Variants in L3MBTL3 observed in about 807,000 individuals in gnomAD.
L3MBTL3 encodes the protein L3MBTL histone methyl-lysine binding protein 3.
L3MBTL3 carries 27 observed loss-of-function variants against 102.3 expected under a neutral mutation model. The ratio of observed to expected loss-of-function variants is 0.26; its 90% confidence interval spans 0.19 to 0.36. L3MBTL3 has a LOEUF of 0.36. Among genes scored for constraint, L3MBTL3 ranks in the 10% least tolerant of loss-of-function variants. The pLI, the probability that L3MBTL3 is intolerant of heterozygous loss-of-function variation, is 1.00. For missense variants in L3MBTL3, 798 were observed against 955.3 expected (o/e 0.84, Z 2.17); for synonymous variants, 340 against 320.9 (o/e 1.06, Z -0.64).
At chr6:130,043,478 C>T (rs890917577) in intron 3 of L3MBTL3, among the ~76,000 whole-genome samples, 25 of 152,146 alleles carry the variant, frequency 1.6e-4, no homozygotes, top group Non-Finnish European at 3.2e-4. Context: ...AACATGGTTG[C>T]GCAAGCACCG....
intron 17 of L3MBTL3, among the ~76,000 whole-genome samples, chr6:130,093,860 C>T (rs1784200511): frequency 6.6e-6 from 1 of 152,194 alleles, no homozygotes; most frequent in African/African-American, 2.4e-5. Flanking sequence ...CTGGAACTGT[C>T]ATTCTGGATT....
At chr6:130,095,226 G>T (rs956693347) in intron 18 of L3MBTL3, among the ~76,000 whole-genome samples, 57 of 152,302 alleles carry the variant, frequency 3.7e-4, no homozygotes, top group African/African-American at 1.4e-3. Context: ...TGTACAGGTT[G>T]TGAATCTAGG....
intron 15 of L3MBTL3, among the ~76,000 whole-genome samples, chr6:130,084,835 T>A (rs946342541): frequency 1.3e-5 from 2 of 152,128 alleles, no homozygotes; most frequent in Non-Finnish European, 2.9e-5. Context: ...TGGCAACCCT[T>A]TTTTTGTTGT....
intron 1 of L3MBTL3, chr6:130,019,354 G>C (rs1383419902): frequency 3.4e-5 from 5 of 146,666 alleles, no homozygotes; most frequent in African/African-American, 1.2e-4. Flanking sequence ...GGTGCGGCGG[G>C]AGGCGCGAGC....
At chr6:130,037,751 T>A (rs1780150866) in intron 2 of L3MBTL3, among the ~76,000 whole-genome samples, 1 of 152,142 alleles carries the variant, frequency 6.6e-6, no homozygotes, top group Admixed American at 6.5e-5. Context: ...TATCCTTCAC[T>A]TCAAATACTT....
intron 19 of L3MBTL3, among the ~76,000 whole-genome samples, chr6:130,116,897 A>G (rs1785723774): frequency 6.7e-6 from 1 of 149,676 alleles, no homozygotes; most frequent in South Asian, 2.2e-4. Flanking sequence ...ATATAGCATG[A>G]AAATATTTCT....
At chr6:130,064,448 G>T (rs1782110233) in intron 10 of L3MBTL3, among the ~76,000 whole-genome samples, 1 of 152,092 alleles carries the variant, frequency 6.6e-6, no homozygotes, top group South Asian at 2.1e-4. Flanking sequence ...ATGGGAGTGA[G>T]GGCTTGAAGT....
chr6:130,055,549 T>G (rs112843645), intron 8 of L3MBTL3, among the ~76,000 whole-genome samples: 1 of 116,642 alleles, frequency 8.6e-6, no homozygotes, highest in African/African-American at 3.3e-5. Flanking sequence ...CCTCCCTGTC[T>G]CCCTCTCTCC....
In L3MBTL3 at chr6:130,058,182, T is replaced by A. The variant is rs546185281; in HGVS notation, c.759+685T>A. On this transcript the variant is annotated intron_variant, in intron 9 of 22. Transcript: ENST00000361794. ...AAAAAAAAAAAAAAAAAAAATGAGT[T>A]ACTACGATTTACATATTATCACAGC... 5.0e-4 allele frequency among the ~76,000 whole-genome samples: 74 copies of A among 147,026 alleles called. 1 individual carries two copies. Among genetic ancestry groups the A allele is most frequent in the Admixed American group, 5.0e-3 (74 of 14,846 alleles).
intron 22 of L3MBTL3, among the ~76,000 whole-genome samples, chr6:130,138,737 T>C (rs1196072584): frequency 6.6e-6 from 1 of 151,678 alleles, no homozygotes; most frequent in Non-Finnish European, 1.5e-5. Context: ...TGTTTTACTT[T>C]TTGTACAAGG....
intron 19 of L3MBTL3, among the ~76,000 whole-genome samples, chr6:130,115,102 A>C (rs1039471871): frequency 1.3e-5 from 2 of 152,098 alleles, no homozygotes; most frequent in Admixed American, 6.6e-5. Context: ...AAACAGAAAA[A>C]CTACATTTTT....
chr6:130,132,418 C>G (rs34597026), intron 20 of L3MBTL3, among the ~76,000 whole-genome samples: 13,218 of 152,190 alleles, frequency 0.087, 660 homozygotes, highest in Non-Finnish European at 0.1. Context: ...GGTGTGTTCA[C>G]TTTGTGAAAA....
At chr6:130,033,055 C>T (rs1779827869) in intron 2 of L3MBTL3, among the ~76,000 whole-genome samples, 1 of 152,024 alleles carries the variant, frequency 6.6e-6, no homozygotes, top group Admixed American at 6.6e-5. Flanking sequence ...ATTGTCAAAC[C>T]TTGGAAAGTG....
At position 130,135,704 on chromosome 6, in the gene L3MBTL3, A is replaced by G. The variant is rs527763518; in HGVS notation, c.2199+1799A>G. On this transcript the variant is annotated intron_variant, in intron 22 of 22. Coordinates refer to ENST00000361794, the MANE Select transcript of L3MBTL3 (RefSeq NM_032438.4). ...CTAGATCCTTTTCTGGAGGAGTGAG[A>G]TAGTTAATATTCTCTGTCGATATGA... Among the ~76,000 whole-genome samples the G allele has an allele frequency of 2.0e-5, 3 of 152,266 alleles. No individual in the cohort carries two copies. The South Asian group carries it at 6.2e-4, about 32-fold the overall frequency.
At chr6:130,070,783 C>CTTTTTTTTT (rs774204472) in intron 12 of L3MBTL3, 193 bp from the exon 13 acceptor site, 1 of 110,310 alleles carries the variant, frequency 9.1e-6, no homozygotes, top group Non-Finnish European at 1.5e-5. Flanking sequence ...ACAGTAGGAC[C>CTTTTTTTTT]TTTTTTTTTT....
intron 9 of L3MBTL3, 90 bp downstream of exon 9, chr6:130,057,587 C>G: frequency 1.9e-6 from 2 of 1,076,948 alleles, no homozygotes; most frequent in Non-Finnish European, 2.7e-6. Context: ...TGAAATTTGA[C>G]TTGGGATCAT....
chr6:130,022,954 C>T (rs997693423), intron 2 of L3MBTL3, among the ~76,000 whole-genome samples: 1 of 152,156 alleles, frequency 6.6e-6, no homozygotes, highest in Non-Finnish European at 1.5e-5. Context: ...ACTCCAGGTC[C>T]TTCTTTTAGG....
intron 19 of L3MBTL3, among the ~76,000 whole-genome samples, chr6:130,110,023 T>C (rs994221855): frequency 6.6e-6 from 1 of 152,222 alleles, no homozygotes; most frequent in Non-Finnish European, 1.5e-5. Context: ...TGTGGTGTTA[T>C]TTCTGAGGTC....
intron 13 of L3MBTL3, among the ~76,000 whole-genome samples, chr6:130,071,616 C>T (rs1348177181): frequency 6.6e-6 from 1 of 151,900 alleles, no homozygotes; most frequent in African/African-American, 2.4e-5. Flanking sequence ...AAGGATTTTT[C>T]ATACCAAATT....
Sources: allele counts gnomAD v4.1 joint callset (sites outside exome capture counted in the v4.1 genomes callset), GRCh38; gene constraint gnomAD v4.1.1; transcripts MANE v1.5; gene names NCBI Gene and HGNC (gene_info 2026-07-23, HGNC 2026-07-21).